ALDH3B2: variants seen among roughly 807,000 people sequenced by gnomAD.
ALDH3B2 encodes aldehyde dehydrogenase 3 family member B2.
Under a neutral mutation model 36.7 loss-of-function variants are expected in ALDH3B2, and 45 were observed. The observed-to-expected ratio is 1.23, with a 90% confidence interval of 0.97 to 1.57. The LOEUF is 1.57. ALDH3B2 is among the 40% of genes most tolerant of loss of function. The pLI is 0.00. For synonymous variants in ALDH3B2, 217 were observed against 226.5 expected, an observed-to-expected ratio of 0.96 and a Z score of 0.38; for missense variants, 464 against 513.3, an observed-to-expected ratio of 0.90 and a Z score of 0.93.
chr11:67,663,856 C>T (rs1020900320), intron 8 of ALDH3B2, 95 bp from the exon 9 acceptor site: 16 of 1,003,984 alleles, frequency 1.6e-5, no homozygotes, highest in Non-Finnish European at 2.3e-5. Flanking sequence ...CTCATCCTCA[C>T]CTGCCCCTCC....
At chr11:67,666,908 G>A (rs1855936048) in exon 3 of ALDH3B2, 1 of 1,614,086 alleles carries the variant, frequency 6.2e-7, no homozygotes, top group Non-Finnish European at 8.5e-7. Context: ...GGGCTCACCA[G>A]GTTCGTGGAC....
chr11:67,678,600 C>T (rs924854393), upstream of ALDH3B2, among the ~76,000 whole-genome samples: 3 of 150,786 alleles, frequency 2.0e-5, no homozygotes, highest in Non-Finnish European at 3.0e-5. Context: ...TATATATATA[C>T]ACACACACAG....
upstream of ALDH3B2, among the ~76,000 whole-genome samples, chr11:67,676,247 T>C (rs553204171): frequency 2.6e-5 from 4 of 152,178 alleles, no homozygotes; most frequent in South Asian, 8.3e-4. Flanking sequence ...AATGAAATTA[T>C]ATCAGGCATG....
chr11:67,673,309 G>T (rs1171718292), intron 1 of ALDH3B2, among the ~76,000 whole-genome samples: 1 of 152,180 alleles, frequency 6.6e-6, no homozygotes, highest in African/African-American at 2.4e-5. Flanking sequence ...CTGGACCTGG[G>T]TCCCATAGGT....
At chr11:67,678,636 C>CATATATATATATATATATAT (rs34057662), upstream of ALDH3B2, among the ~76,000 whole-genome samples, 48 of 146,660 alleles carry the variant, frequency 3.3e-4, no homozygotes, top group African/African-American at 1.2e-3. Flanking sequence ...TACTATGGTA[C>CATATATATATATATATATAT]ATATATATAT....
chr11:67,663,666 T>TC lies in ALDH3B2; in HGVS notation c.968dup (p.Val324SerfsTer77), dbSNP rs1565245111. 1 of 1,608,038 alleles carries TC rather than the reference T, an allele frequency of 6.2e-7. No homozygotes were observed. Among genetic ancestry groups the TC allele is most frequent in the East Asian group, 2.2e-5 (1 of 44,636 alleles). ...TGGAAATGGGCAGGGACCCACCGAC[T>TC]CCCCCGAATGGCACGGACAGCAGAG... On this transcript the variant is annotated frameshift_variant, in exon 9 of 10. Coordinates refer to ENST00000349015, the Ensembl canonical transcript of ALDH3B2. LOFTEE classifies it low-confidence loss of function (END_TRUNC).
chr11:67,680,172 G>A (rs1354224665), intron 1 of ALDH3B2, among the ~76,000 whole-genome samples: 1 of 151,996 alleles, frequency 6.6e-6, no homozygotes, highest in African/African-American at 2.4e-5. Flanking sequence ...AAATTAGCCG[G>A]GCGTGGTGAT....
At chr11:67,675,696 G>A (rs900975705), upstream of ALDH3B2, among the ~76,000 whole-genome samples, 2 of 152,236 alleles carry the variant, frequency 1.3e-5, no homozygotes, top group Non-Finnish European at 2.9e-5. Flanking sequence ...GTGACACCAG[G>A]AAGGGACCTC....
Position 67,679,829 on chromosome 11 carries a change from T to C in ALDH3B2, c.-245+1347A>G, listed in dbSNP as rs143056626. Among the ~76,000 whole-genome samples the C allele has an allele frequency of 2.2e-3, 332 of 152,336 alleles. 1 individual carries two copies. The highest frequency in any genetic ancestry group is 7.5e-3 in the African/African-American group (313 of 41,580). ...TTGTGCGAAAAAATCAGGCCAAGTA[T>C]AATAAGCCTAAAACTTATTTTGCAC... On this transcript the variant is annotated intron_variant, in intron 1 of 9. Transcript: ENST00000530069.
At chr11:67,669,741 G>C (rs551699662) in intron 1 of ALDH3B2, among the ~76,000 whole-genome samples, 1 of 111,426 alleles carries the variant, frequency 9.0e-6, no homozygotes, top group Admixed American at 9.4e-5. Flanking sequence ...TGTGTGTATG[G>C]GTGTCTGTGT....
At chr11:67,664,364 C>T in intron 8 of ALDH3B2, 32 bp downstream of exon 8, 1 of 1,613,282 alleles carries the variant, frequency 6.2e-7, no homozygotes, top group Non-Finnish European at 8.5e-7. Context: ...CTTTCAGCCC[C>T]TCCATTGCCC....
intron 8 of ALDH3B2, among the ~76,000 whole-genome samples, chr11:67,664,002 G>A (rs796912689): frequency 3.6e-4 from 55 of 152,288 alleles, no homozygotes; most frequent in African/African-American, 1.3e-3. Flanking sequence ...ATGGGGAGCC[G>A]GCAGCCTTGA....
At chr11:67,667,788 T>C (rs957989036) in intron 1 of ALDH3B2, 153 bp from the exon 2 acceptor site, 2 of 184,968 alleles carry the variant, frequency 1.1e-5, no homozygotes, top group African/African-American at 4.7e-5. Context: ...CCCACTCGAA[T>C]GACCCCACGG....
intron 9 of ALDH3B2, 56 bp downstream of exon 9, chr11:67,663,606 G>A: frequency 1.3e-6 from 2 of 1,529,018 alleles, no homozygotes; most frequent in Admixed American, 1.8e-5. Flanking sequence ...GGGACTTCCT[G>A]GGTCTGGGGT....
rs1357969380 is a variant in ALDH3B2, at chr11:67,663,781, T to A, written c.874-20A>T. 3.7e-6 allele frequency: 6 copies of A among 1,600,344 alleles called. No individual in the cohort carries two copies. Among genetic ancestry groups the A allele is most frequent in the Non-Finnish European group, 5.1e-6 (6 of 1,170,088 alleles). ...CACAACCTGCCAGGGAGTGAGAAGG[T>A]GGGTGTTGGGCTCTAGTCATGAGAA... On this transcript the variant is annotated intron_variant, in intron 8 of 9. Coordinates refer to ENST00000349015, the Ensembl canonical transcript of ALDH3B2.
chr11:67,681,134 A>C (rs1415618135), intron 1 of ALDH3B2: 3 of 152,308 alleles, frequency 2.0e-5, no homozygotes, highest in Non-Finnish European at 4.4e-5. Context: ...GGTTTAATTG[A>C]CTCACAGTTT....
At chr11:67,664,657 C>G in intron 7 of ALDH3B2, 95 bp from the exon 8 acceptor site, 3 of 1,506,756 alleles carry the variant, frequency 2.0e-6, no homozygotes, top group Admixed American at 2.1e-5. Context: ...GGCCAGGGCT[C>G]CAGGCCAGGA....
upstream of ALDH3B2, among the ~76,000 whole-genome samples, chr11:67,679,225 C>T (rs532107203): frequency 1.5e-4 from 23 of 151,888 alleles, no homozygotes; most frequent in South Asian, 1.0e-3. Flanking sequence ...TCCAGCACTT[C>T]GGGAGGCTGA....
At chr11:67,669,574 CTG>C (rs1435537991) in intron 1 of ALDH3B2, among the ~76,000 whole-genome samples, 1 of 143,812 alleles carries the variant, frequency 7.0e-6, no homozygotes, top group African/African-American at 2.6e-5. Context: ...GTCTGTGTGT[CTG>C]TGTGTGTATG....
Sources: gnomAD v4.1 joint callset for allele counts (sites outside exome capture counted in the v4.1 genomes callset) on GRCh38, gnomAD v4.1.1 for gene constraint, MANE v1.5 for transcripts, NCBI Gene and HGNC (gene_info 2026-07-23, HGNC 2026-07-21) for gene names.